GPR137C: variants seen among roughly 807,000 people sequenced by gnomAD.
GPR137C encodes the protein integral membrane protein GPR137C.
GPR137C carries 27 observed loss-of-function variants against 43.4 expected under a neutral mutation model. The ratio of observed to expected loss-of-function variants is 0.62; its 90% CI spans 0.46 to 0.86. GPR137C has a LOEUF of 0.86. Ranked by LOEUF, GPR137C falls within the 40% of genes least tolerant of loss-of-function variation. The probability of loss-of-function intolerance (pLI) is 0.00; values close to 1 mark genes in which losing one functional copy is unlikely to be tolerated. For missense variants in GPR137C, 522 were observed against 534.6 expected, an observed-to-expected ratio of 0.98 and a Z score of 0.23; for synonymous variants, 285 against 226.9, an observed-to-expected ratio of 1.26 and a Z score of -2.30.
At chr14:52,574,278 T>C (rs1430895483) in intron 1 of GPR137C, among the ~76,000 whole-genome samples, 2 of 152,196 alleles carry the variant, frequency 1.3e-5, no homozygotes, top group Non-Finnish European at 2.9e-5. Context: ...CATATGTTTA[T>C]TGTGGCACTG....
chr14:52,603,232 C>T (rs1288646865), intron 3 of GPR137C, among the ~76,000 whole-genome samples: 1 of 152,180 alleles, frequency 6.6e-6, no homozygotes, highest in East Asian at 1.9e-4. Context: ...TTTCACTTAA[C>T]ATAATGAACT....
intron 3 of GPR137C, chr14:52,611,933 G>T (rs1033050722): frequency 3.0e-6 from 3 of 984,382 alleles, no homozygotes; most frequent in Non-Finnish European, 3.6e-6. Flanking sequence ...ATCATATTTT[G>T]ACATAGTTTA....
chr14:52,621,757 G>C (rs1225411493), intron 3 of GPR137C, among the ~76,000 whole-genome samples: 1 of 151,326 alleles, frequency 6.6e-6, no homozygotes, highest in Admixed American at 6.6e-5. Flanking sequence ...CTAGAGCAAT[G>C]GTTCTCAAAT....
At chr14:52,598,726 G>A (rs1283156771) in intron 2 of GPR137C, among the ~76,000 whole-genome samples, 2 of 152,192 alleles carry the variant, frequency 1.3e-5, no homozygotes, top group Non-Finnish European at 2.9e-5. Flanking sequence ...GGAGTCAGGA[G>A]ATTGGGGTTT....
chr14:52,553,561 G>A lies in GPR137C; in HGVS notation c.414G>A (p.Thr138=). 1 of 1,604,258 alleles carries A rather than the reference G, an allele frequency of 6.2e-7. No individual in the cohort carries two copies. The change falls in exon 1 of 7, where the codon ACG becomes ACA. Residue 138 remains threonine, a synonymous_variant. Transcript: ENST00000321662. ...YCFPSCLQFS[T]LCLLNLYLAE... ...TCCCCTCCTGTCTCCAGTTCTCCAC[G>A]CTCTGTCTCCTCAACCTCTACCTGG...
intron 3 of GPR137C, among the ~76,000 whole-genome samples, chr14:52,615,548 G>A (rs1594804042): frequency 6.8e-6 from 1 of 148,106 alleles, no homozygotes; most frequent in Non-Finnish European, 1.5e-5. Flanking sequence ...AGATTGCTTT[G>A]GGTAGTATGG....
At chr14:52,578,218 A>AT (rs2038592674) in intron 1 of GPR137C, among the ~76,000 whole-genome samples, 13 of 152,122 alleles carry the variant, frequency 8.5e-5, no homozygotes, top group Admixed American at 8.5e-4. Context: ...ACTAACATGT[A>AT]TTTTTTAGTT....
intron 1 of GPR137C, among the ~76,000 whole-genome samples, chr14:52,557,638 G>GATAC (rs2038214461): frequency 6.6e-6 from 1 of 152,174 alleles, no homozygotes. Flanking sequence ...CGAAGTTTCA[G>GATAC]ATACATACCT....
chr14:52,589,219 C>T (rs1465653948), intron 1 of GPR137C, among the ~76,000 whole-genome samples: 1 of 152,034 alleles, frequency 6.6e-6, no homozygotes, highest in African/African-American at 2.4e-5. Flanking sequence ...CTGCCAGAGC[C>T]TGGAGGAGGA....
chr14:52,601,500 A>G (rs574357935), intron 3 of GPR137C, among the ~76,000 whole-genome samples: 156 of 149,236 alleles, frequency 1.0e-3, no homozygotes, highest in Admixed American at 2.0e-3. Context: ...GTGTGTGTGT[A>G]TATATATATA....
At position 52,633,528 on chromosome 14, in the gene GPR137C, A is replaced by G; in HGVS notation, c.868-2A>G. On this transcript the variant is annotated splice_acceptor_variant, in intron 4 of 6. Coordinates refer to ENST00000321662, the MANE Select transcript of GPR137C (RefSeq NM_001099652.2). LOFTEE classifies it high-confidence loss of function. ...AAATTCTCTGCCATGCTCTATTTACAGGCTCATGTAGAAGACATAAGTGGA... is the reference window on the plus strand; with the variant it reads ...AAATTCTCTGCCATGCTCTATTTACGGGCTCATGTAGAAGACATAAGTGGA... 1 of 1,611,038 alleles carries G rather than the reference A, an allele frequency of 6.2e-7. No homozygotes were observed. The highest frequency in any genetic ancestry group is 1.1e-5 in the South Asian group (1 of 90,750).
At chr14:52,613,161 G>C (rs1221423352) in intron 3 of GPR137C, 4 of 151,430 alleles carry the variant, frequency 2.6e-5, no homozygotes, top group African/African-American at 9.7e-5. Flanking sequence ...CAGGAGAACG[G>C]TGTGAACCCA....
intron 3 of GPR137C, among the ~76,000 whole-genome samples, chr14:52,626,747 G>A (rs2039232034): frequency 6.6e-6 from 1 of 151,954 alleles, no homozygotes; most frequent in Non-Finnish European, 1.5e-5. Flanking sequence ...TAAACAACTA[G>A]AATAAATGAC....
chr14:52,560,229 C>T (rs1453426184), intron 1 of GPR137C, among the ~76,000 whole-genome samples: 1 of 152,094 alleles, frequency 6.6e-6, no homozygotes, highest in East Asian at 1.9e-4. Flanking sequence ...ATGTGCAAGA[C>T]CTCTACAAGG....
chr14:52,569,551 GGTTAGAGGAATTGCTA>G (rs2038431973), intron 1 of GPR137C, among the ~76,000 whole-genome samples: 1 of 151,784 alleles, frequency 6.6e-6, no homozygotes. Context: ...CTTGAAAAAA[GGTTAGAGGAATTGCTA>G]GCCAGAATAA....
At chr14:52,614,917 C>G (rs1051219751) in intron 3 of GPR137C, among the ~76,000 whole-genome samples, 1 of 152,146 alleles carries the variant, frequency 6.6e-6, no homozygotes, top group Non-Finnish European at 1.5e-5. Context: ...GTTGTCTCTT[C>G]ACTTTCTTAA....
chr14:52,595,058 A>T (rs1007819862), intron 1 of GPR137C, among the ~76,000 whole-genome samples: 2 of 152,100 alleles, frequency 1.3e-5, no homozygotes, highest in Non-Finnish European at 2.9e-5. Flanking sequence ...AAAGGATTTT[A>T]TTTCTCCTTC....
Position 52,553,272 on chromosome 14 carries a change from C to G in GPR137C, c.125C>G (p.Pro42Arg). The change falls in exon 1 of 7, where the codon CCG becomes CGG. Residue 42 changes from proline to arginine, a missense_variant. By Grantham distance (103) the Pro-to-Arg change is moderately radical. This residue lies in a region of GPR137C where 437 missense variants were observed against 425.7 expected (regional missense o/e 1.03). Transcript: ENST00000321662. Reference sequence around the variant, plus strand: ...GCTGCAGCCTCAGGCGCCGCGGTGCCGGGCTCCGTGCAGTTGGCGCTGAGC... The same window carrying G: ...GCTGCAGCCTCAGGCGCCGCGGTGCGGGGCTCCGTGCAGTTGGCGCTGAGC... Reference protein sequence around the residue: ...AVAAASGAAVPGSVQLALSVL... With the variant: ...AVAAASGAAVRGSVQLALSVL... The G allele has an allele frequency of 6.8e-7, 1 of 1,463,754 alleles. No individual in the cohort carries two copies. The highest frequency in any genetic ancestry group is 9.0e-7 in the Non-Finnish European group (1 of 1,106,386). 90.7% of individuals were successfully genotyped at this position (1,463,754 alleles called of 1,614,324 possible).
chr14:52,553,516 C>A lies in GPR137C; in HGVS notation c.369C>A (p.Pro123=). Residue 123 remains proline (P), a synonymous_variant, in exon 1 of 7, where the codon CCC becomes CCA. Coordinates refer to ENST00000321662, the MANE Select transcript of GPR137C (RefSeq NM_001099652.2). ...CGCCCGCTCACCTGCACTTCTTCCC[C>A]CACTGGCTGCTCTACTGCTTCCCCT... The part of the protein sequence containing the change: ...LRPPAHLHFF[P]HWLLYCFPSC... 1.2e-6 allele frequency: 2 copies of A among 1,609,510 alleles called. No homozygotes were observed. Among genetic ancestry groups the A allele is most frequent in the Non-Finnish European group, 1.7e-6 (2 of 1,179,680 alleles).
Sources: gnomAD v4.1 joint callset for allele counts (sites outside exome capture counted in the v4.1 genomes callset) on GRCh38, gnomAD v4.1.1 for gene constraint, gnomAD v4.1.1 regional missense constraint, MANE v1.5 for transcripts, NCBI Gene and HGNC (gene_info 2026-07-23, HGNC 2026-07-21) for gene names.